The following TRAF3IP1 variants were observed in gnomAD, a reference collection of about 807,000 sequenced individuals.
TRAF3IP1 encodes TRAF3-interacting protein 1.
A neutral mutation model predicts 89.9 loss-of-function variants in TRAF3IP1; 53 were observed. That is an observed-to-expected ratio of 0.59 (90% confidence interval 0.47 to 0.74). The LOEUF (loss-of-function observed/expected upper bound fraction) is 0.74. Ranked by LOEUF, TRAF3IP1 falls within the 30% of genes least tolerant of loss-of-function variation. TRAF3IP1 has a pLI of 0.00. For synonymous variants in TRAF3IP1, 311 were observed against 322.1 expected, an observed-to-expected ratio of 0.97 and a Z score of 0.37; for missense variants, 806 against 866.1, an observed-to-expected ratio of 0.93 and a Z score of 0.87.
chr2:238,352,830 A>C lies in TRAF3IP1; in HGVS notation c.1455A>C (p.Ser485=), dbSNP rs1323105169. The stretch of plus-strand genomic sequence containing the variant: ...AATCTAATTTCTTTTTATTTAGGTC[A>C]GGGAGTGGTAAAACCGTTTCAAATG... ...DSMEALQMDR[S]GSGKTVSNVI... Residue 485 remains serine, a synonymous_variant, in exon 13 of 17, where the codon TCA becomes TCC. Transcript: ENST00000373327. 1 of 1,606,218 alleles carries C rather than the reference A, an allele frequency of 6.2e-7. No homozygotes were observed. The highest frequency in any genetic ancestry group is 1.1e-5 in the South Asian group (1 of 88,824).
intron 1 of TRAF3IP1, 124 bp from the exon 2 acceptor site, chr2:238,325,182 G>C (rs949549671): frequency 1.1e-6 from 1 of 926,460 alleles, no homozygotes; most frequent in African/African-American, 1.6e-5. Flanking sequence ...TATTTCTTAA[G>C]TGGATGATTC....
At chr2:238,375,986 A>T (rs549309379) in intron 15 of TRAF3IP1, among the ~76,000 whole-genome samples, 1 of 152,172 alleles carries the variant, frequency 6.6e-6, no homozygotes, top group African/African-American at 2.4e-5. Context: ...GCTGAATATG[A>T]AAGTTCCATA....
chr2:238,384,583 C>A (rs1262660632), intron 15 of TRAF3IP1, among the ~76,000 whole-genome samples: 1 of 143,452 alleles, frequency 7.0e-6, no homozygotes, highest in Non-Finnish European at 1.5e-5. Flanking sequence ...ATACGTTTTA[C>A]CATGTTGGCC....
intron 5 of TRAF3IP1, among the ~76,000 whole-genome samples, chr2:238,331,668 C>T (rs1469770385): frequency 1.3e-5 from 2 of 151,992 alleles, no homozygotes; most frequent in Non-Finnish European, 2.9e-5. Flanking sequence ...GCTTGCCAGG[C>T]TCTTCTGTGG....
intron 1 of TRAF3IP1, among the ~76,000 whole-genome samples, chr2:238,323,443 T>C (rs1199516149): frequency 6.6e-6 from 1 of 152,218 alleles, no homozygotes; most frequent in Non-Finnish European, 1.5e-5. Context: ...ATGAAAATGT[T>C]CCAGGAATGT....
At chr2:238,346,789 A>G (rs1324512292) in intron 9 of TRAF3IP1, among the ~76,000 whole-genome samples, 1 of 152,190 alleles carries the variant, frequency 6.6e-6, no homozygotes, top group Non-Finnish European at 1.5e-5. Context: ...TCTTCTGCAA[A>G]TGCGTTCGTG....
intron 1 of TRAF3IP1, among the ~76,000 whole-genome samples, chr2:238,324,544 C>T (rs925532177): frequency 2.6e-5 from 4 of 152,170 alleles, no homozygotes; most frequent in African/African-American, 9.7e-5. Flanking sequence ...TGCTGTCCTA[C>T]ATTTCTTTTG....
intron 3 of TRAF3IP1, among the ~76,000 whole-genome samples, chr2:238,327,500 C>T (rs1263278869): frequency 3.9e-5 from 6 of 152,128 alleles, no homozygotes; most frequent in Non-Finnish European, 8.8e-5. Context: ...GGATGGCTGT[C>T]GGGGATGCTG....
In TRAF3IP1 at chr2:238,397,465, T is replaced by C; in HGVS notation, c.1696T>C (p.Ser566Pro). The C allele has an allele frequency of 1.2e-6, 2 of 1,612,748 alleles. No homozygotes were observed. Among genetic ancestry groups the C allele is most frequent in the Non-Finnish European group, 1.7e-6 (2 of 1,179,810 alleles). ...TATGTCTCCCTGACTGTAGGAGCGA[T>C]CTCTCTTTGAGTCGGCATGGAAGAA... The part of the protein sequence containing the change: ...QSPKPGEKER[S>P]LFESAWKKEK... The change falls in exon 16 of 17, where the codon TCT becomes CCT. Residue 566 changes from serine (S) to proline (P), a missense_variant. Physicochemically the swap from Ser to Pro is moderately conservative, Grantham distance 74 (BLOSUM62 -1). Around this residue, in one of 3 missense-constraint regions of TRAF3IP1, gnomAD observed 732 missense variants for 780.5 expected, o/e 0.94. Coordinates refer to ENST00000373327, the MANE Select transcript of TRAF3IP1 (RefSeq NM_015650.4).
intron 3 of TRAF3IP1, among the ~76,000 whole-genome samples, chr2:238,326,517 T>G (rs1370856908): frequency 6.6e-6 from 1 of 151,758 alleles, no homozygotes. Context: ...ATTTTTTCTT[T>G]CTTGAGCTTT....
At chr2:238,327,693 C>G (rs577057654) in intron 3 of TRAF3IP1, among the ~76,000 whole-genome samples, 1 of 152,218 alleles carries the variant, frequency 6.6e-6, no homozygotes, top group East Asian at 1.9e-4. Flanking sequence ...CTCCAGGACT[C>G]TTCTCCTTGC....
intron 15 of TRAF3IP1, among the ~76,000 whole-genome samples, chr2:238,395,755 G>A (rs1359517815): frequency 2.6e-5 from 4 of 152,030 alleles, no homozygotes; most frequent in Admixed American, 2.0e-4. Flanking sequence ...AGACATTTAC[G>A]CAGCCAAAAA....
At chr2:238,381,220 C>A (rs1195970910) in intron 15 of TRAF3IP1, among the ~76,000 whole-genome samples, 1 of 151,702 alleles carries the variant, frequency 6.6e-6, no homozygotes, top group Non-Finnish European at 1.5e-5. Context: ...TTATCTTCCC[C>A]CTCTCAGAAT....
intron 15 of TRAF3IP1, among the ~76,000 whole-genome samples, chr2:238,394,096 C>T (rs539187614): frequency 3.0e-4 from 45 of 151,900 alleles, no homozygotes; most frequent in Admixed American, 9.8e-4. Flanking sequence ...CTTGGGAGGC[C>T]GAGGCAGGAG....
At chr2:238,398,637 T>C (rs1377717371) in intron 16 of TRAF3IP1, 117 bp from the exon 17 acceptor site, 2 of 1,187,788 alleles carry the variant, frequency 1.7e-6, no homozygotes, top group Non-Finnish European at 2.3e-6. Context: ...ATAAATATTA[T>C]CCTTTTCTTT....
intron 5 of TRAF3IP1, among the ~76,000 whole-genome samples, chr2:238,331,231 C>A (rs924129273): frequency 6.7e-6 from 1 of 149,076 alleles, no homozygotes; most frequent in African/African-American, 2.5e-5. Context: ...GAGGCCGAGG[C>A]AGGTGGATCA....
chr2:238,355,361 T>C (rs1006658788), intron 14 of TRAF3IP1, among the ~76,000 whole-genome samples: 1 of 149,042 alleles, frequency 6.7e-6, no homozygotes, highest in Non-Finnish European at 1.5e-5. Flanking sequence ...TAAATGCATA[T>C]GCATGTGCAT....
intron 15 of TRAF3IP1, among the ~76,000 whole-genome samples, chr2:238,375,977 C>A (rs902543094): frequency 1.3e-5 from 2 of 152,146 alleles, no homozygotes; most frequent in African/African-American, 4.8e-5. Flanking sequence ...GCTGTCTCTG[C>A]TGAATATGAA....
chr2:238,388,370 G>C (rs1176028281), intron 15 of TRAF3IP1, among the ~76,000 whole-genome samples: 1 of 92,320 alleles, frequency 1.1e-5, no homozygotes, highest in Non-Finnish European at 2.3e-5. Context: ...GGGAGACCCT[G>C]TCTCAAAAAA....
Sources: allele counts gnomAD v4.1 joint callset (sites outside exome capture counted in the v4.1 genomes callset), GRCh38; gene constraint gnomAD v4.1.1; regional missense constraint gnomAD v4.1.1; transcripts MANE v1.5; gene names NCBI Gene and HGNC (gene_info 2026-07-23, HGNC 2026-07-21).